Variants in GDF1 observed in about 807,000 individuals in gnomAD.
GDF1 encodes embryonic growth/differentiation factor 1.
In GDF1, 8 loss-of-function variants were observed where a neutral mutation model predicts 7.4. That is an observed-to-expected ratio of 1.09 (90% CI 0.64 to 1.96). GDF1 has a LOEUF of 1.96. Ranked by LOEUF, GDF1 falls within the 30% of genes most tolerant of loss-of-function variation. The pLI, the probability that GDF1 is intolerant of heterozygous loss-of-function variation, is 0.00. For synonymous variants in GDF1, 311 were observed against 276.7 expected (o/e 1.12, Z -1.23); for missense variants, 574 against 551.5 (o/e 1.04, Z -0.41).
intron 6 of GDF1, among the ~76,000 whole-genome samples, chr19:18,871,135 T>C (rs1305889131): frequency 4.6e-5 from 7 of 151,756 alleles, no homozygotes; most frequent in Non-Finnish European, 1.0e-4. Context: ...AGGCTAGAGC[T>C]GTGGCACAAC....
rs1400227714 is a variant in GDF1 at position 18,882,912 on chromosome 19, C to T, written c.-733+1175G>A. Among the ~76,000 whole-genome samples the T allele has an allele frequency of 3.3e-5, 5 of 152,176 alleles. No homozygotes were observed. The East Asian group carries it at 5.9e-4, about 18-fold the overall frequency. ...TTCACTGTGTTAGCCAGGATGGTCT[C>T]GATCTCCTGACCTCATGATCCGCTC... On this transcript the variant is annotated intron_variant, in intron 3 of 7. Transcript: ENST00000247005.
At position 18,869,988 on chromosome 19, in the gene GDF1, T is replaced by C; in HGVS notation, c.320A>G (p.Asp107Gly). The change falls in exon 7 of 8, where the codon GAC becomes GGC. Residue 107 changes from aspartate (D) to glycine (G), a missense_variant. By Grantham distance (94) the Asp-to-Gly change is moderately conservative. Coordinates refer to ENST00000247005, the MANE Select transcript of GDF1 (RefSeq NM_001492.6). ...CCAGCGAAAGCCCCACTCACCGCGG[T>C]CCGGGATGTGGCGCACGATGTTTCC... Reference protein sequence around the residue: ...VAGNIVRHIPDRGAPTRASEP... With the variant: ...VAGNIVRHIPGRGAPTRASEP... 1 of 1,590,054 alleles carries C rather than the reference T, an allele frequency of 6.3e-7. No homozygotes were observed. Among genetic ancestry groups the C allele is most frequent in the Non-Finnish European group, 8.5e-7 (1 of 1,169,882 alleles).
chr19:18,879,320 G>T lies in GDF1; in HGVS notation c.-502C>A, dbSNP rs769809173. The T allele has an allele frequency of 6.2e-7, 1 of 1,610,186 alleles. No homozygotes were observed. Among genetic ancestry groups the T allele is most frequent in the South Asian group, 1.1e-5 (1 of 90,198 alleles). Reference sequence around the variant, plus strand: ...GAAGTAGAAGGGGATGTCAGGCACCGTGCGCAGACTGCAGTGACTGGTGGC... The same window carrying T: ...GAAGTAGAAGGGGATGTCAGGCACCTTGCGCAGACTGCAGTGACTGGTGGC... On this transcript the variant is annotated 5_prime_UTR_variant, in exon 5 of 8. Coordinates refer to ENST00000247005, the MANE Select transcript of GDF1 (RefSeq NM_001492.6).
rs2056594387 is a variant in GDF1, at chr19:18,895,174, G to T, written c.-1074+650C>A. On this transcript the variant is annotated intron_variant, in intron 1 of 7. Coordinates refer to ENST00000247005, the MANE Select transcript of GDF1 (RefSeq NM_001492.6). This position sits in a 1 kb window ranked among gnomAD's most constrained non-coding sequence, Gnocchi z 6.4. ...GCGTGGCCAGAGCACCCAGGCCCTTGCCATCCCTGGTCGGAGGGTGGCGCT... is the reference window on the plus strand; with the variant it reads ...GCGTGGCCAGAGCACCCAGGCCCTTTCCATCCCTGGTCGGAGGGTGGCGCT... Among the ~76,000 whole-genome samples, 1 of 152,228 alleles carries T rather than the reference G, an allele frequency of 6.6e-6. No individual in the cohort carries two copies. The highest frequency in any genetic ancestry group is 1.5e-5 in the Non-Finnish European group (1 of 68,036).
At position 18,895,906 on chromosome 19, in the gene GDF1, G is replaced by A. The variant is rs1198439311; in HGVS notation, c.-1156C>T. On this transcript the variant is annotated 5_prime_UTR_variant, in exon 1 of 8. Transcript: ENST00000247005. The surrounding 1 kb of genome is among the most constrained non-coding windows in gnomAD (Gnocchi z 6.4). ...CGCCAGCAGCAGCAGCTCGGGCGGCGCCAGGTGCGCGTGCTCAGCCAGGCC... is the reference window on the plus strand; with the variant it reads ...CGCCAGCAGCAGCAGCTCGGGCGGCACCAGGTGCGCGTGCTCAGCCAGGCC... 5 of 1,251,696 alleles carry A rather than the reference G, an allele frequency of 4.0e-6. No homozygotes were observed. In the East Asian group the frequency reaches 1.5e-4, roughly 37 times the overall value. 77.5% of individuals were successfully genotyped at this position (1,251,696 alleles called of 1,614,324 possible). A position where few individuals can be genotyped will look rare whatever the true frequency, so the allele number is the denominator to read the frequency against.
chr19:18,880,446 A>G lies in GDF1; in HGVS notation c.-732-11T>C, dbSNP rs769670920. 6.3e-7 allele frequency: 1 copy of G among 1,575,084 alleles called. No individual in the cohort carries two copies. The highest frequency in any genetic ancestry group is 8.6e-7 in the Non-Finnish European group (1 of 1,157,616). Reference sequence around the variant, plus strand: ...CCCACATTGTGGTACCTGGGGGAGCAGCAGGCAGAGAGGAGAGGGCAGCTC... The same window carrying G: ...CCCACATTGTGGTACCTGGGGGAGCGGCAGGCAGAGAGGAGAGGGCAGCTC... On this transcript the variant is annotated splice_polypyrimidine_tract_variant and intron_variant, in intron 3 of 7. Transcript: ENST00000247005.
chr19:18,884,136 G>A lies in GDF1; in HGVS notation c.-782C>T. On this transcript the variant is annotated 5_prime_UTR_variant, in exon 3 of 8. Coordinates refer to ENST00000247005, the MANE Select transcript of GDF1 (RefSeq NM_001492.6). ...AGGATGAGAGTGACCACGTGGTGGAGCAGCATGACCACCGAGTCCTTGCGC... is the reference window on the plus strand; with the variant it reads ...AGGATGAGAGTGACCACGTGGTGGAACAGCATGACCACCGAGTCCTTGCGC... The A allele has an allele frequency of 6.2e-7, 1 of 1,613,678 alleles. No homozygotes were observed.
Position 18,878,457 on chromosome 19 carries a change from G to C in GDF1, c.-313+473C>G, listed in dbSNP as rs193060861. 1.8e-4 allele frequency: 178 copies of C among 992,552 alleles called. No individual in the cohort carries two copies. In the African/African-American group the frequency reaches 3.0e-3, roughly 17 times the overall value. 61.5% of individuals were successfully genotyped at this position (992,552 alleles called of 1,614,324 possible). On this transcript the variant is annotated intron_variant, in intron 6 of 7. Transcript: ENST00000247005. This position sits in a 1 kb window ranked among gnomAD's most constrained non-coding sequence, Gnocchi z 4.6. ...GTTTGGCCGGGCAGTGGGCTCCCCT[G>C]TCAAACTCAGAGGCCAGGATGTCTC...
intron 6 of GDF1, among the ~76,000 whole-genome samples, chr19:18,871,838 G>A (rs962645938): frequency 7.2e-5 from 11 of 152,184 alleles, no homozygotes; most frequent in African/African-American, 1.9e-4. Context: ...CGTGAGTGGC[G>A]TTTCTTCATC....
chr19:18,886,560 A>AAAAC (rs930862677), intron 2 of GDF1, among the ~76,000 whole-genome samples: 30 of 152,152 alleles, frequency 2.0e-4, no homozygotes, highest in South Asian at 6.2e-4. Flanking sequence ...GTCTCAAAAC[A>AAAAC]AAACAAACAA....
chr19:18,892,874 C>T (rs999570976), intron 2 of GDF1, among the ~76,000 whole-genome samples: 5 of 152,140 alleles, frequency 3.3e-5, no homozygotes, highest in Non-Finnish European at 5.9e-5. Flanking sequence ...CTGAGACACC[C>T]ATAGGAGCTC....
At chr19:18,883,543 G>C (rs558212044) in intron 3 of GDF1, among the ~76,000 whole-genome samples, 1 of 149,402 alleles carries the variant, frequency 6.7e-6, no homozygotes, top group African/African-American at 2.4e-5. Flanking sequence ...AAAAAAAAAA[G>C]AGAGAGAGAA....
intron 6 of GDF1, among the ~76,000 whole-genome samples, chr19:18,873,734 G>A (rs1197533784): frequency 6.6e-6 from 1 of 151,866 alleles, no homozygotes; most frequent in African/African-American, 2.4e-5. Flanking sequence ...CCAGCTACTC[G>A]GGAGGCTGAG....
chr19:18,870,217 C>CGG lies in GDF1; in HGVS notation c.89_90dup (p.Val31ProfsTer14). 1 of 1,554,084 alleles carries CGG rather than the reference C, an allele frequency of 6.4e-7. No individual in the cohort carries two copies. Among genetic ancestry groups the CGG allele is most frequent in the East Asian group, 2.3e-5 (1 of 43,008 alleles). On this transcript the variant is annotated frameshift_variant, in exon 7 of 8. Coordinates refer to ENST00000247005, the MANE Select transcript of GDF1 (RefSeq NM_001492.6). LOFTEE classifies it high-confidence loss of function. The surrounding 1 kb of genome is among the most constrained non-coding windows in gnomAD (Gnocchi z 5.1). ...AGGGCGGCGGCTGGGCCTGGGGGCA[C>CGG]GGGGGCGCGGGTCAGGGGCAGCGAG... is the stretch of plus-strand genomic sequence containing the variant.
chr19:18,892,507 A>G (rs925139885), intron 2 of GDF1, among the ~76,000 whole-genome samples: 11 of 151,838 alleles, frequency 7.2e-5, no homozygotes, highest in African/African-American at 2.7e-4. Flanking sequence ...CCAGCTACTC[A>G]GGAGGCTGAG....
chr19:18,891,548 T>C (rs986238658), intron 2 of GDF1, among the ~76,000 whole-genome samples: 21 of 149,402 alleles, frequency 1.4e-4, no homozygotes, highest in African/African-American at 2.4e-4. Context: ...CTCCAATCAA[T>C]TGGACACAGC....
chr19:18,872,313 T>C (rs987917268), intron 6 of GDF1, among the ~76,000 whole-genome samples: 2 of 152,216 alleles, frequency 1.3e-5, no homozygotes, highest in Non-Finnish European at 2.9e-5. Flanking sequence ...TGTACCCACC[T>C]TGGGGGAGAT....
intron 6 of GDF1, among the ~76,000 whole-genome samples, chr19:18,876,908 G>A (rs1449052093): frequency 6.6e-6 from 1 of 152,098 alleles, no homozygotes. Flanking sequence ...CCTGGTCCAG[G>A]AGCCCATGCT....
chr19:18,893,629 TCCTTTG>T, intron 1 of GDF1, 54 bp from the exon 2 acceptor site: 2 of 1,540,944 alleles, frequency 1.3e-6, no homozygotes, highest in Non-Finnish European at 1.8e-6. Flanking sequence ...CAGAGACTGC[TCCTTTG>T]GGGTGGGGAA....
Sources: allele counts gnomAD v4.1 joint callset (sites outside exome capture counted in the v4.1 genomes callset), GRCh38; gene constraint gnomAD v4.1.1; non-coding constraint Gnocchi (gnomAD v3.1); transcripts MANE v1.5; gene names NCBI Gene and HGNC (gene_info 2026-07-23, HGNC 2026-07-21).